Variants in MAP3K15 observed in about 807,000 individuals in gnomAD.
MAP3K15 encodes the protein mitogen-activated protein kinase kinase kinase 15.
MAP3K15 carries 124 observed loss-of-function variants against 99.5 expected under a neutral mutation model. The ratio of observed to expected loss-of-function variants is 1.25; its 90% CI spans 1.08 to 1.45. The LOEUF (loss-of-function observed/expected upper bound fraction) is 1.45. MAP3K15 is among the 40% of genes most tolerant of loss of function. The pLI, the probability that MAP3K15 is intolerant of heterozygous loss-of-function variation, is 0.00. For synonymous variants in MAP3K15, 494 were observed against 439.6 expected, an observed-to-expected ratio of 1.12 and a Z score of -1.55; for missense variants, 1,242 against 1,079.7, an observed-to-expected ratio of 1.15 and a Z score of -2.11.
chrX:19,436,719 C>G (rs952703773), intron 6 of MAP3K15, among the ~76,000 whole-genome samples: 1 of 111,498 alleles, frequency 9.0e-6, no homozygotes, highest in Non-Finnish European at 1.9e-5. Context: ...ACTCTGTCAT[C>G]CAGGCTGGAA....
At chrX:19,458,760 G>A (rs751002655) in intron 5 of MAP3K15, among the ~76,000 whole-genome samples, 1 of 112,260 alleles carries the variant, frequency 8.9e-6, no homozygotes, top group East Asian at 2.8e-4. Context: ...AGGGGCAGGA[G>A]TTCCTTACTG....
intron 3 of MAP3K15, among the ~76,000 whole-genome samples, 180 bp downstream of exon 3, chrX:19,486,302 T>TG (rs981540360): frequency 1.8e-5 from 2 of 111,733 alleles, no homozygotes; most frequent in Non-Finnish European, 3.8e-5. Context: ...AATGGCTGAG[T>TG]GGGGCCTGGG....
At chrX:19,513,661 A>G (rs1428753260) in intron 1 of MAP3K15, among the ~76,000 whole-genome samples, 1 of 111,615 alleles carries the variant, frequency 9.0e-6, no homozygotes, top group Non-Finnish European at 1.9e-5. Flanking sequence ...CTAGCTTACT[A>G]TTACAGCAAA....
chrX:19,440,981 C>T (rs997938476), intron 6 of MAP3K15, among the ~76,000 whole-genome samples: 1 of 111,802 alleles, frequency 8.9e-6, no homozygotes, highest in Admixed American at 9.6e-5. Context: ...CTCTCTAGTA[C>T]AGTCAAAAGT....
chrX:19,377,731 G>C (rs772279872), intron 19 of MAP3K15, among the ~76,000 whole-genome samples: 2 of 111,544 alleles, frequency 1.8e-5, no homozygotes, highest in Admixed American at 9.5e-5. Context: ...TGTTTTCCTC[G>C]TCACCAGCTG....
intron 18 of MAP3K15, among the ~76,000 whole-genome samples, chrX:19,384,094 A>C (rs1248699351): frequency 8.9e-6 from 1 of 112,457 alleles, no homozygotes; most frequent in African/African-American, 3.2e-5. Flanking sequence ...CTAAGTGTCC[A>C]TCAACAGATG....
Position 19,360,761 on chromosome X carries a change from T to C in MAP3K15, c.3930A>G (p.Lys1310=). 8.3e-7 allele frequency: 1 copy of C among 1,208,053 alleles called. No individual in the cohort carries two copies. Among genetic ancestry groups the C allele is most frequent in the African/African-American group, 1.7e-5 (1 of 57,644 alleles). Residue 1310 remains lysine, a synonymous_variant, in exon 29 of 29, where the codon AAA becomes AAG. Coordinates refer to ENST00000338883, the MANE Select transcript of MAP3K15 (RefSeq NM_001001671.4). ...TAGCTGATTGGTATCAAGCCTTGTC[T>C]TTGGTTTCTGAGGCCTCCTGAGCCC... ...YRRAQEASET[K]DKA
intron 9 of MAP3K15, among the ~76,000 whole-genome samples, chrX:19,424,193 TACAC>T (rs201957217): frequency 7.5e-5 from 8 of 106,627 alleles, no homozygotes; most frequent in South Asian, 4.1e-4. Flanking sequence ...CATGTATATA[TACAC>T]ACACACACAC....
chrX:19,451,610 G>A (rs1409942828), intron 6 of MAP3K15, among the ~76,000 whole-genome samples: 1 of 108,664 alleles, frequency 9.2e-6, no homozygotes, highest in Non-Finnish European at 1.9e-5. Flanking sequence ...AACGTCCATT[G>A]AAACTACAAT....
At chrX:19,507,835 A>T (rs773152894) in intron 1 of MAP3K15, among the ~76,000 whole-genome samples, 1 of 110,462 alleles carries the variant, frequency 9.1e-6, no homozygotes, top group South Asian at 3.9e-4. Flanking sequence ...AAACTATTTT[A>T]AAAAAAGTTC....
intron 17 of MAP3K15, 37 bp from the exon 18 acceptor site, chrX:19,392,144 G>GGCTGAAAC (rs771482622): frequency 9.0e-7 from 1 of 1,114,905 alleles, no homozygotes; most frequent in Non-Finnish European, 1.2e-6. Flanking sequence ...TTAAAAGACA[G>GGCTGAAAC]GCTGAAACGA....
Position 19,419,063 on chromosome X carries a change from A to G in MAP3K15, c.1440-3806T>C, listed in dbSNP as rs1168310700. Among the ~76,000 whole-genome samples, 955 of 111,942 alleles carry G rather than the reference A, an allele frequency of 8.5e-3. 7 individuals carry two copies. Among genetic ancestry groups the G allele is most frequent in the African/African-American group, 0.029 (892 of 30,826 alleles). Reference sequence around the variant, plus strand: ...GCACTAAACATGGAAAGGAACAACCAGTACCAGCCACTGCAAAAACATGCC... The same window carrying G: ...GCACTAAACATGGAAAGGAACAACCGGTACCAGCCACTGCAAAAACATGCC... On this transcript the variant is annotated intron_variant, in intron 9 of 28. Coordinates refer to ENST00000338883, the MANE Select transcript of MAP3K15 (RefSeq NM_001001671.4).
chrX:19,378,939 C>T (rs1427347645), intron 19 of MAP3K15, among the ~76,000 whole-genome samples: 4 of 111,401 alleles, frequency 3.6e-5, no homozygotes, highest in Non-Finnish European at 5.7e-5. Flanking sequence ...GATAGCCCAA[C>T]TCCCACCTCT....
chrX:19,437,742 G>C (rs2063931811), intron 6 of MAP3K15, among the ~76,000 whole-genome samples: 1 of 111,605 alleles, frequency 9.0e-6, no homozygotes, highest in African/African-American at 3.3e-5. Flanking sequence ...GGTCTGATTT[G>C]TTAACTACTG....
At chrX:19,382,644 G>A (rs1292910488) in intron 18 of MAP3K15, among the ~76,000 whole-genome samples, 3 of 112,174 alleles carry the variant, frequency 2.7e-5, no homozygotes, top group Non-Finnish European at 5.6e-5. Flanking sequence ...GCCCTGGCGG[G>A]GAAATGTTCA....
At chrX:19,375,857 C>T (rs1405002942) in intron 19 of MAP3K15, among the ~76,000 whole-genome samples, 1 of 112,443 alleles carries the variant, frequency 8.9e-6, no homozygotes, top group Non-Finnish European at 1.9e-5. Flanking sequence ...CTGCCCAGCT[C>T]AGGAGTTACG....
Position 19,456,458 on chromosome X carries a change from A to G in MAP3K15, c.995+455T>C, listed in dbSNP as rs187794372. Among the ~76,000 whole-genome samples the G allele has an allele frequency of 3.1e-4, 35 of 112,273 alleles. No homozygotes were observed. In the East Asian group the frequency reaches 8.1e-3, roughly 26 times the overall value. ...GGAGACAGAGGCTGTAACAGTGGTC[A>G]CCTATGGAGGGGTTAAGGATTGCCT... On this transcript the variant is annotated intron_variant, in intron 6 of 28. Transcript: ENST00000338883.
chrX:19,477,484 C>T (rs758833683), intron 3 of MAP3K15, among the ~76,000 whole-genome samples: 1 of 110,466 alleles, frequency 9.1e-6, no homozygotes, highest in African/African-American at 3.3e-5. Context: ...CCAAGGCAGG[C>T]AGATCATCTG....
intron 3 of MAP3K15, among the ~76,000 whole-genome samples, chrX:19,468,504 AACAG>A (rs2064183923): frequency 8.9e-6 from 1 of 112,092 alleles, no homozygotes; most frequent in South Asian, 3.7e-4. Context: ...AGATCAGGGA[AACAG>A]ACAGTCAAAG....
Sources: allele counts gnomAD v4.1 joint callset (sites outside exome capture counted in the v4.1 genomes callset), GRCh38; gene constraint gnomAD v4.1.1; transcripts MANE v1.5; gene names NCBI Gene and HGNC (gene_info 2026-07-23, HGNC 2026-07-21).